The following BTBD9 variants were observed in gnomAD, a reference collection of about 807,000 sequenced individuals.
BTBD9 encodes the protein BTB domain containing 9.
BTBD9 carries 49 observed loss-of-function variants against 64.3 expected under a neutral mutation model. That is an observed-to-expected ratio of 0.76 (90% CI 0.61 to 0.97). The LOEUF is 0.97. Ranked by LOEUF, BTBD9 falls within the 50% of genes least tolerant of loss-of-function variation. The pLI, the probability that BTBD9 is intolerant of heterozygous loss-of-function variation, is 0.00. For synonymous variants in BTBD9, 260 were observed against 274.7 expected (o/e 0.95, Z 0.53); for missense variants, 598 against 762.1 (o/e 0.78, Z 2.53).
chr6:38,460,203 A>G (rs1219592718), intron 6 of BTBD9, among the ~76,000 whole-genome samples: 4 of 152,330 alleles, frequency 2.6e-5, no homozygotes, highest in Non-Finnish European at 1.5e-5. Flanking sequence ...GAAAATGTAA[A>G]CATCACATTT....
At chr6:38,326,020 C>A (rs1763413117) in intron 7 of BTBD9, among the ~76,000 whole-genome samples, 1 of 152,108 alleles carries the variant, frequency 6.6e-6, no homozygotes, top group South Asian at 2.1e-4. Flanking sequence ...GAAAAAAACT[C>A]CACATCTATA....
chr6:38,195,545 C>A (rs193300023), intron 9 of BTBD9, among the ~76,000 whole-genome samples: 2 of 152,112 alleles, frequency 1.3e-5, no homozygotes, highest in African/African-American at 2.4e-5. Flanking sequence ...AAAAAACCCA[C>A]GCAGGATTGA....
chr6:38,207,610 G>A (rs911947668), intron 9 of BTBD9, among the ~76,000 whole-genome samples: 20 of 151,906 alleles, frequency 1.3e-4, no homozygotes, highest in East Asian at 3.9e-4. Context: ...GCGACAGAGC[G>A]AGCCCTGTCT....
At chr6:38,282,574 G>A (rs1181077569) in intron 8 of BTBD9, among the ~76,000 whole-genome samples, 3 of 152,174 alleles carry the variant, frequency 2.0e-5, no homozygotes, top group African/African-American at 7.2e-5. Context: ...AACATGGGTG[G>A]TGGTGGCGGG....
intron 6 of BTBD9, among the ~76,000 whole-genome samples, chr6:38,520,827 G>A (rs1422246216): frequency 2.6e-5 from 4 of 151,998 alleles, no homozygotes; most frequent in South Asian, 2.1e-4. Context: ...CATGCTTGTA[G>A]TCCCAGCTAC....
chr6:38,434,937 G>A (rs1196597895), intron 6 of BTBD9, among the ~76,000 whole-genome samples: 2 of 151,890 alleles, frequency 1.3e-5, no homozygotes. Flanking sequence ...GCTCACGTCT[G>A]TAATCCCAAC....
At chr6:38,522,866 C>G (rs1473806316) in intron 6 of BTBD9, among the ~76,000 whole-genome samples, 1 of 151,962 alleles carries the variant, frequency 6.6e-6, no homozygotes, top group Non-Finnish European at 1.5e-5. Flanking sequence ...AGACTGCATA[C>G]TAGGCAGGAG....
At chr6:38,598,917 C>CA (rs201805684) in intron 1 of BTBD9, among the ~76,000 whole-genome samples, 18 of 150,870 alleles carry the variant, frequency 1.2e-4, no homozygotes, top group East Asian at 5.9e-4. Flanking sequence ...AACTTCTTCT[C>CA]AAAAAAAATA....
At chr6:38,309,911 G>C (rs1762766573) in intron 7 of BTBD9, among the ~76,000 whole-genome samples, 1 of 152,056 alleles carries the variant, frequency 6.6e-6, no homozygotes, top group African/African-American at 2.4e-5. Flanking sequence ...GTATGCTATA[G>C]AGAAAATGTC....
chr6:38,494,585 A>G (rs2127394244), intron 6 of BTBD9, among the ~76,000 whole-genome samples: 1 of 152,336 alleles, frequency 6.6e-6, no homozygotes, highest in East Asian at 1.9e-4. Context: ...TGATGAGTAC[A>G]TATGGTGAGT....
chr6:38,223,928 T>A lies in BTBD9; in HGVS notation c.1563-31331A>T, dbSNP rs528853017. 2.0e-5 allele frequency among the ~76,000 whole-genome samples: 3 copies of A among 152,232 alleles called. No individual in the cohort carries two copies. In the East Asian group the frequency reaches 5.8e-4, roughly 29 times the overall value. ...CTAGAAATTCCTTAAAATAATGAGGTATGGCCTGGCGCAGTGGCTCACATC... is the reference window on the plus strand; with the variant it reads ...CTAGAAATTCCTTAAAATAATGAGGAATGGCCTGGCGCAGTGGCTCACATC... On this transcript the variant is annotated intron_variant, in intron 9 of 10. Transcript: ENST00000481247.
At chr6:38,340,391 G>T (rs1764052250) in intron 7 of BTBD9, among the ~76,000 whole-genome samples, 6 of 152,082 alleles carry the variant, frequency 3.9e-5, no homozygotes, top group Admixed American at 3.9e-4. Context: ...ATGCCAGAAA[G>T]CACGGAACTA....
At chr6:38,542,782 C>T (rs1279188292) in intron 6 of BTBD9, among the ~76,000 whole-genome samples, 1 of 152,174 alleles carries the variant, frequency 6.6e-6, no homozygotes, top group Non-Finnish European at 1.5e-5. Context: ...AGGGTCTATG[C>T]TCTCTATTGC....
intron 8 of BTBD9, among the ~76,000 whole-genome samples, chr6:38,284,280 C>T (rs1386856912): frequency 2.6e-5 from 4 of 152,084 alleles, no homozygotes; most frequent in Non-Finnish European, 5.9e-5. Context: ...GCTCATCATC[C>T]CCGCTCTGAG....
chr6:38,487,592 C>CGAGAGAGAGAGAGAGA (rs70981555), intron 6 of BTBD9, among the ~76,000 whole-genome samples: 80 of 122,824 alleles, frequency 6.5e-4, no homozygotes, highest in African/African-American at 2.2e-3. Flanking sequence ...AGAGAGTCAG[C>CGAGAGAGAGAGAGAGA]GAGAGAGAGA....
intron 8 of BTBD9, among the ~76,000 whole-genome samples, chr6:38,258,320 C>T (rs539890099): frequency 1.1e-4 from 17 of 152,082 alleles, no homozygotes; most frequent in Admixed American, 2.0e-4. Context: ...CTGAGCATTG[C>T]AGTACAGGAT....
intron 6 of BTBD9, among the ~76,000 whole-genome samples, chr6:38,495,959 C>T (rs1771938414): frequency 6.6e-6 from 1 of 152,112 alleles, no homozygotes; most frequent in African/African-American, 2.4e-5. Context: ...ATATCAGAAT[C>T]CTTTGGAGAG....
intron 6 of BTBD9, among the ~76,000 whole-genome samples, chr6:38,570,448 T>TAAGAATTAC (rs1242465000): frequency 1.3e-5 from 2 of 152,214 alleles, no homozygotes; most frequent in Admixed American, 6.5e-5. Context: ...AGGACTATTG[T>TAAGAATTAC]AAGAATTACA....
At chr6:38,466,025 C>T (rs1433646133) in intron 6 of BTBD9, among the ~76,000 whole-genome samples, 1 of 150,596 alleles carries the variant, frequency 6.6e-6, no homozygotes, top group African/African-American at 2.4e-5. Flanking sequence ...GTTGTCCAGG[C>T]TAGTTTCAAG....
Sources: allele counts gnomAD v4.1 joint callset (sites outside exome capture counted in the v4.1 genomes callset), GRCh38; gene constraint gnomAD v4.1.1; transcripts MANE v1.5; gene names NCBI Gene and HGNC (gene_info 2026-07-23, HGNC 2026-07-21).